The following PCDH9 variants were observed in gnomAD, a reference collection of about 807,000 sequenced individuals.
PCDH9 encodes the protein protocadherin 9.
Under a neutral mutation model 70.6 loss-of-function variants are expected in PCDH9, and 24 were observed. That is an observed-to-expected ratio of 0.34 (90% CI 0.25 to 0.48). The LOEUF is 0.48. Among genes scored for constraint, PCDH9 ranks in the 20% least tolerant of loss-of-function variants. The pLI is 0.99. For synonymous variants in PCDH9, 562 were observed against 558.5 expected (o/e 1.01, Z -0.09); for missense variants, 1,281 against 1,503.6 (o/e 0.85, Z 2.45).
intron 2 of PCDH9, among the ~76,000 whole-genome samples, chr13:66,972,570 G>C (rs909482188): frequency 6.6e-6 from 1 of 151,870 alleles, no homozygotes; most frequent in African/African-American, 2.4e-5. Flanking sequence ...AAGCATATCT[G>C]TGATTTTTTA....
chr13:67,059,524 G>T (rs2085495034), intron 2 of PCDH9, among the ~76,000 whole-genome samples: 1 of 150,912 alleles, frequency 6.6e-6, no homozygotes, highest in African/African-American at 2.4e-5. Flanking sequence ...GTCAAAGAGG[G>T]CCTCTCACAA....
intron 2 of PCDH9, among the ~76,000 whole-genome samples, chr13:67,118,225 A>G (rs1012580296): frequency 3.9e-5 from 6 of 152,170 alleles, no homozygotes; most frequent in African/African-American, 1.4e-4. Flanking sequence ...TGTTACCTTC[A>G]TTAGAGTAAA....
At chr13:66,851,573 C>CACACACACA (rs1566240862) in intron 3 of PCDH9, among the ~76,000 whole-genome samples, 2 of 108,946 alleles carry the variant, frequency 1.8e-5, no homozygotes, top group African/African-American at 6.9e-5. Context: ...CCCGCATCAC[C>CACACACACA]CTCACACACA....
At chr13:66,467,339 G>C (rs1958534356) in intron 4 of PCDH9, among the ~76,000 whole-genome samples, 1 of 152,050 alleles carries the variant, frequency 6.6e-6, no homozygotes, top group Admixed American at 6.6e-5. Flanking sequence ...AGACAAGACT[G>C]CTCCCGGTTT....
At chr13:66,779,815 ATC>A (rs1225450927) in intron 3 of PCDH9, among the ~76,000 whole-genome samples, 3,036 of 100,828 alleles carry the variant, frequency 0.03, 153 homozygotes, top group African/African-American at 0.11. Flanking sequence ...GCGAGACTCC[ATC>A]TCTCTCTCTC....
At chr13:67,116,429 T>C (rs993958126) in intron 2 of PCDH9, among the ~76,000 whole-genome samples, 1 of 152,172 alleles carries the variant, frequency 6.6e-6, no homozygotes, top group East Asian at 1.9e-4. Context: ...TTCAAAATGT[T>C]TATCCAGTCA....
chr13:66,662,292 G>C (rs781778658), intron 3 of PCDH9, among the ~76,000 whole-genome samples: 1 of 151,882 alleles, frequency 6.6e-6, no homozygotes, highest in African/African-American at 2.4e-5. Flanking sequence ...GACCAACATG[G>C]AGAAACCCCG....
chr13:67,222,700 T>A (rs183684986), intron 2 of PCDH9: 11 of 152,298 alleles, frequency 7.2e-5, no homozygotes, highest in Admixed American at 3.3e-4. Flanking sequence ...TGTATTTTTT[T>A]AAATAAATTC....
At chr13:67,086,597 T>G (rs1175299362) in intron 2 of PCDH9, among the ~76,000 whole-genome samples, 1 of 152,192 alleles carries the variant, frequency 6.6e-6, no homozygotes, top group African/African-American at 2.4e-5. Context: ...TTGGATGGAA[T>G]GTAACAGAGT....
At chr13:66,672,410 T>C (rs1011739677) in intron 3 of PCDH9, among the ~76,000 whole-genome samples, 2 of 152,194 alleles carry the variant, frequency 1.3e-5, no homozygotes, top group African/African-American at 4.8e-5. Flanking sequence ...TGGAAATGCC[T>C]TGATGGCCAG....
intron 2 of PCDH9, among the ~76,000 whole-genome samples, chr13:67,155,422 C>T (rs1022761310): frequency 2.0e-5 from 3 of 151,956 alleles, no homozygotes; most frequent in Admixed American, 6.6e-5. Context: ...GGAAGATTTC[C>T]AAATGGAAAA....
chr13:66,700,849 C>T (rs1032854773), intron 3 of PCDH9, among the ~76,000 whole-genome samples: 8 of 141,004 alleles, frequency 5.7e-5, no homozygotes, highest in Admixed American at 2.2e-4. Flanking sequence ...ATTTTCTTTC[C>T]TTTTATATGC....
intron 2 of PCDH9, among the ~76,000 whole-genome samples, chr13:67,020,482 C>G (rs1261650576): frequency 6.6e-6 from 1 of 152,102 alleles, no homozygotes; most frequent in East Asian, 1.9e-4. Context: ...AGGACTGAAC[C>G]CCTGAAGAAG....
At chr13:66,611,344 A>G (rs2077291624) in intron 4 of PCDH9, among the ~76,000 whole-genome samples, 1 of 152,204 alleles carries the variant, frequency 6.6e-6, no homozygotes, top group Non-Finnish European at 1.5e-5. Context: ...CTGGCTAATT[A>G]GAAGAAATAA....
chr13:66,713,945 A>G (rs1264901476), intron 3 of PCDH9, among the ~76,000 whole-genome samples: 1 of 152,058 alleles, frequency 6.6e-6, no homozygotes, highest in Non-Finnish European at 1.5e-5. Flanking sequence ...TTCTTTTTGT[A>G]ACTGATGATT....
At chr13:67,171,708 A>T (rs2088290136) in intron 2 of PCDH9, among the ~76,000 whole-genome samples, 1 of 152,140 alleles carries the variant, frequency 6.6e-6, no homozygotes, top group Non-Finnish European at 1.5e-5. Flanking sequence ...TCAGTGACTT[A>T]TTGGTTCTGT....
chr13:67,114,304 C>A (rs2086717573), intron 2 of PCDH9, among the ~76,000 whole-genome samples: 1 of 152,018 alleles, frequency 6.6e-6, no homozygotes, highest in Non-Finnish European at 1.5e-5. Context: ...TAAATCTGTG[C>A]TTTATACATG....
At chr13:66,657,386 A>G (rs1408283240) in intron 3 of PCDH9, among the ~76,000 whole-genome samples, 1 of 152,172 alleles carries the variant, frequency 6.6e-6, no homozygotes, top group Non-Finnish European at 1.5e-5. Flanking sequence ...ACTTAATCAT[A>G]CGGGAGTCTC....
intron 4 of PCDH9, among the ~76,000 whole-genome samples, chr13:66,541,858 C>G (rs1325643699): frequency 2.0e-5 from 3 of 152,140 alleles, no homozygotes; most frequent in Non-Finnish European, 4.4e-5. Context: ...GCTCCTGCAT[C>G]TACTTGAACC....
Sources: allele counts gnomAD v4.1 joint callset (sites outside exome capture counted in the v4.1 genomes callset), GRCh38; gene constraint gnomAD v4.1.1; transcripts MANE v1.5; gene names NCBI Gene and HGNC (gene_info 2026-07-23, HGNC 2026-07-21).